The following SRCIN1 variants were observed in gnomAD, a reference collection of about 807,000 sequenced individuals.
The protein encoded by SRCIN1 is SRC kinase signaling inhibitor 1, also known as P130Cas-associated protein.
In SRCIN1, 50 loss-of-function variants were observed where a neutral mutation model predicts 116.2. That is an observed-to-expected ratio of 0.43 (90% CI 0.34 to 0.54). SRCIN1 has a LOEUF of 0.54. Ranked by LOEUF, SRCIN1 falls within the 20% of genes least tolerant of loss-of-function variation. SRCIN1 has a pLI of 0.02. For missense variants in SRCIN1, 1,446 were observed against 1,672.0 expected, an observed-to-expected ratio of 0.86 and a Z score of 2.36; for synonymous variants, 736 against 750.0, an observed-to-expected ratio of 0.98 and a Z score of 0.30.
intron 1 of SRCIN1, 54 bp from the exon 2 acceptor site, chr17:38,578,845 G>A: frequency 1.4e-6 from 2 of 1,443,508 alleles, no homozygotes; most frequent in Non-Finnish European, 1.8e-6. Context: ...GCCTGGGGCT[G>A]CCCATCCCCC....
At chr17:38,543,171 T>C (rs1262047504) in intron 18 of SRCIN1, 1 of 456,762 alleles carries the variant, frequency 2.2e-6, no homozygotes, top group Admixed American at 2.3e-5. Flanking sequence ...CAATTCCTGC[T>C]GCACCCCTAC....
At chr17:38,589,203 A>G (rs1908309008) in intron 1 of SRCIN1, among the ~76,000 whole-genome samples, 1 of 152,198 alleles carries the variant, frequency 6.6e-6, no homozygotes, top group Non-Finnish European at 1.5e-5. Flanking sequence ...GGCGTGAGCC[A>G]CCGTGCCCAG....
Position 38,552,338 on chromosome 17 carries a change from C to A in SRCIN1, c.2480+109G>T, listed in dbSNP as rs889992622. On this transcript the variant is annotated intron_variant, in intron 13 of 18. Transcript: ENST00000617146. This position sits in a 1 kb window ranked among gnomAD's most constrained non-coding sequence, Gnocchi z 5.3. The stretch of plus-strand genomic sequence containing the variant: ...GGCAGAGCTGAGGTGCCAGTCCAGT[C>A]GGCACGCCAGTGACCTTTGGGGGAG... 1.4e-6 allele frequency: 2 copies of A among 1,461,266 alleles called. No homozygotes were observed. The highest frequency in any genetic ancestry group is 1.4e-5 in the South Asian group (1 of 70,542). The allele number at this position is 1,461,266 out of a possible 1,614,324, so 90.5% of individuals were successfully genotyped here.
intron 17 of SRCIN1, among the ~76,000 whole-genome samples, chr17:38,546,947 G>A (rs969704261): frequency 6.6e-6 from 1 of 152,214 alleles, no homozygotes; most frequent in Non-Finnish European, 1.5e-5. Context: ...CTGGCAGAGA[G>A]AGAGAGATTC....
Position 38,581,841 on chromosome 17 carries a change from C to T in SRCIN1, c.23-3050G>A, listed in dbSNP as rs142043052. Among the ~76,000 whole-genome samples the T allele has an allele frequency of 1.9e-3, 282 of 152,226 alleles. 1 individual carries two copies. Among genetic ancestry groups the T allele is most frequent in the African/African-American group, 6.4e-3 (264 of 41,534 alleles). On this transcript the variant is annotated intron_variant, in intron 1 of 18. Coordinates refer to ENST00000617146, the MANE Select transcript of SRCIN1 (RefSeq NM_025248.3). ...ATGAGAAGGCTGGGGGTTCCCTGGG[C>T]GCTGGAGAAATAGCTCCAACCAAAG...
At position 38,566,939 on chromosome 17, in the gene SRCIN1, C is replaced by T. The variant is rs568135489; in HGVS notation, c.345+1272G>A. ...CTTCCTTCTTTCTTTCCTTCTTTCTCTCTCTCTTTCTCTCTTTCTTTCTTC... is the reference window on the plus strand; with the variant it reads ...CTTCCTTCTTTCTTTCCTTCTTTCTTTCTCTCTTTCTCTCTTTCTTTCTTC... On this transcript the variant is annotated intron_variant, in intron 3 of 18. Coordinates refer to ENST00000617146, the MANE Select transcript of SRCIN1 (RefSeq NM_025248.3). Among the ~76,000 whole-genome samples the T allele has an allele frequency of 1.3e-3, 146 of 115,014 alleles. 1 individual carries two copies. Among genetic ancestry groups the T allele is most frequent in the African/African-American group, 4.5e-3 (137 of 30,194 alleles). 75.5% of individuals were successfully genotyped at this position (115,014 alleles called of 152,430 possible). A position where few individuals can be genotyped will look rare whatever the true frequency, so the allele number is the denominator to read the frequency against.
Position 38,544,114 on chromosome 17 carries a change from C to G in SRCIN1, c.3271-145G>C, listed in dbSNP as rs1260099476. The G allele has an allele frequency of 5.9e-6, 6 of 1,008,724 alleles. No individual in the cohort carries two copies. Among genetic ancestry groups the G allele is most frequent in the Non-Finnish European group, 8.4e-6 (6 of 714,094 alleles). 62.5% of individuals were successfully genotyped at this position (1,008,724 alleles called of 1,614,324 possible). On this transcript the variant is annotated intron_variant, in intron 17 of 18. Transcript: ENST00000617146. This position sits in a 1 kb window ranked among gnomAD's most constrained non-coding sequence, Gnocchi z 4.5. ...GGAGACCCCTCTCTAGCTCCACACC[C>G]GAGTCCAGAACCCAGGTCCACCCTC...
intron 18 of SRCIN1, among the ~76,000 whole-genome samples, chr17:38,534,338 CTT>C (rs1298376579): frequency 6.6e-5 from 10 of 152,330 alleles, no homozygotes; most frequent in African/African-American, 1.9e-4. Flanking sequence ...GAATCCATCT[CTT>C]GTGTGGGCTC....
At chr17:38,541,760 C>G (rs1476134910) in intron 18 of SRCIN1, 1 of 152,416 alleles carries the variant, frequency 6.6e-6, no homozygotes, top group South Asian at 2.1e-4. Context: ...TGAGACCAGC[C>G]TGGCCAACAT....
At chr17:38,551,101 G>A (rs1467237045) in intron 15 of SRCIN1, 54 bp downstream of exon 15, 8 of 758,622 alleles carry the variant, frequency 1.1e-5, no homozygotes, top group Non-Finnish European at 1.7e-5. Flanking sequence ...CTGGGCTCCT[G>A]AGGAGGGCAC....
At chr17:38,545,686 C>T (rs997882293) in intron 17 of SRCIN1, among the ~76,000 whole-genome samples, 4 of 152,114 alleles carry the variant, frequency 2.6e-5, no homozygotes, top group Non-Finnish European at 4.4e-5. Context: ...GTAAAGGTGC[C>T]GGTTTGGCCA....
At position 38,572,409 on chromosome 17, in the gene SRCIN1, C is replaced by T. The variant is rs138848453; in HGVS notation, c.325-4178G>A. On this transcript the variant is annotated intron_variant, in intron 2 of 18. Transcript: ENST00000617146. This position sits in a 1 kb window ranked among gnomAD's most constrained non-coding sequence, Gnocchi z 4.3. ...GGACGCTGGGGAAGAGGGCGCACCC[C>T]GGGAAGGTCATGACTTTCCGACGCT... Among the ~76,000 whole-genome samples the T allele has an allele frequency of 0.023, 3,530 of 151,954 alleles. 91 individuals are homozygous for T. The highest frequency in any genetic ancestry group is 0.11 in the South Asian group (511 of 4,802).
intron 1 of SRCIN1, among the ~76,000 whole-genome samples, chr17:38,593,340 A>C (rs1193003515): frequency 6.6e-6 from 1 of 152,120 alleles, no homozygotes; most frequent in East Asian, 1.9e-4. Context: ...GATGAATCTC[A>C]GTGTGAATTC....
chr17:38,543,100 C>T, intron 18 of SRCIN1: 1 of 456,692 alleles, frequency 2.2e-6, no homozygotes, highest in Non-Finnish European at 4.4e-6. Flanking sequence ...TGAGGTATGT[C>T]CACTCTCCAC....
chr17:38,573,058 A>C (rs1005311741), intron 2 of SRCIN1, among the ~76,000 whole-genome samples: 6 of 151,848 alleles, frequency 4.0e-5, no homozygotes, highest in Admixed American at 3.9e-4. Flanking sequence ...GGAGGGAGGG[A>C]GGTTAGACAG....
In SRCIN1 at chr17:38,552,980, C is replaced by A; in HGVS notation, c.2202-125G>T. ...TCGAAAGTAAAAGCAGGAGGCTGGG[C>A]ACCGTGGCTCACGCCCGTAATCTCA... On this transcript the variant is annotated intron_variant, in intron 11 of 18. Coordinates refer to ENST00000617146, the MANE Select transcript of SRCIN1 (RefSeq NM_025248.3). The surrounding 1 kb of genome is among the most constrained non-coding windows in gnomAD (Gnocchi z 5.3). 1 of 1,421,288 alleles carries A rather than the reference C, an allele frequency of 7.0e-7. No homozygotes were observed. Among genetic ancestry groups the A allele is most frequent in the East Asian group, 2.3e-5 (1 of 43,248 alleles). The allele number at this position is 1,421,288 out of a possible 1,614,324, so 88.0% of individuals were successfully genotyped here. A position where few individuals can be genotyped will look rare whatever the true frequency, so the allele number is the denominator to read the frequency against.
Position 38,562,689 on chromosome 17 carries a change from G to T in SRCIN1, c.834+138C>A. ...AGGGGAAAGTGGCAGGTGGGACAGG[G>T]GCTCTTCCCTAACCCCTCAGCCCCT... is the stretch of plus-strand genomic sequence containing the variant. On this transcript the variant is annotated intron_variant, in intron 6 of 18. Coordinates refer to ENST00000617146, the MANE Select transcript of SRCIN1 (RefSeq NM_025248.3). This position sits in a 1 kb window ranked among gnomAD's most constrained non-coding sequence, Gnocchi z 4.2. 1 of 748,166 alleles carries T rather than the reference G, an allele frequency of 1.3e-6. No individual in the cohort carries two copies. The highest frequency in any genetic ancestry group is 2.2e-6 in the Non-Finnish European group (1 of 460,110). The allele number at this position is 748,166 out of a possible 1,614,324, so 46.3% of individuals were successfully genotyped here. A position where few individuals can be genotyped will look rare whatever the true frequency, so the allele number is the denominator to read the frequency against.
In SRCIN1 at chr17:38,568,292, C is replaced by T. The variant is rs1424186189; in HGVS notation, c.325-61G>A. On this transcript the variant is annotated intron_variant, in intron 2 of 18. Transcript: ENST00000617146. This position sits in a 1 kb window ranked among gnomAD's most constrained non-coding sequence, Gnocchi z 4.5. ...GGGGCCCAGGAGGGGAAAAGAGGGG[C>T]AGGGGCAGGTTAGAGACCCTTGGAA... The T allele has an allele frequency of 6.4e-7, 1 of 1,567,804 alleles. No homozygotes were observed. The highest frequency in any genetic ancestry group is 1.1e-5 in the South Asian group (1 of 87,584).
intron 2 of SRCIN1, 31 bp downstream of exon 2, chr17:38,578,459 C>CAACCGG (rs1491260503): frequency 5.8e-5 from 89 of 1,540,208 alleles, no homozygotes; most frequent in Non-Finnish European, 7.7e-5. Context: ...GCCGCGGCCG[C>CAACCGG]AGCCGCAGCC....
Sources: gnomAD v4.1 joint callset for allele counts (sites outside exome capture counted in the v4.1 genomes callset) on GRCh38, gnomAD v4.1.1 for gene constraint, Gnocchi (gnomAD v3.1) non-coding constraint, MANE v1.5 for transcripts, NCBI Gene and HGNC (gene_info 2026-07-23, HGNC 2026-07-21) for gene names.